Variants in EXPH5 observed in about 807,000 individuals in gnomAD.
EXPH5 encodes the protein exophilin-5.
A neutral mutation model predicts 41.1 loss-of-function variants in EXPH5; 42 were observed. That is an observed-to-expected ratio of 1.02 (90% CI 0.80 to 1.32). The LOEUF is 1.32. Ranked by LOEUF, EXPH5 falls within the 40% of genes most tolerant of loss-of-function variation. EXPH5 has a pLI of 0.00. For synonymous variants in EXPH5, 798 were observed against 833.5 expected (o/e 0.96, Z 0.73); for missense variants, 2,298 against 2,314.5 (o/e 0.99, Z 0.15).
chr11:108,563,332 C>A (rs938471138), intron 1 of EXPH5, among the ~76,000 whole-genome samples: 2 of 152,204 alleles, frequency 1.3e-5, no homozygotes, highest in Non-Finnish European at 2.9e-5. Flanking sequence ...TCTCAAGCAA[C>A]CACAGTATGA....
intron 1 of EXPH5, among the ~76,000 whole-genome samples, chr11:108,571,183 G>GT (rs755540219): frequency 6.6e-6 from 1 of 152,184 alleles, no homozygotes; most frequent in Non-Finnish European, 1.5e-5. Context: ...GAGGGAGTGT[G>GT]TTACTCATAA....
At chr11:108,526,261 A>G (rs1249572724) in intron 4 of EXPH5, among the ~76,000 whole-genome samples, 1 of 152,082 alleles carries the variant, frequency 6.6e-6, no homozygotes, top group African/African-American at 2.4e-5. Context: ...ATGGGGAGCA[A>G]CAGTCACTGG....
At chr11:108,519,256 A>C (rs951709718) in intron 4 of EXPH5, among the ~76,000 whole-genome samples, 8 of 152,130 alleles carry the variant, frequency 5.3e-5, no homozygotes, top group Non-Finnish European at 1.2e-4. Context: ...CCAAAGGCTA[A>C]CTTTGGGTAA....
At chr11:108,542,129 C>T (rs2093916301) in intron 1 of EXPH5, among the ~76,000 whole-genome samples, 1 of 152,176 alleles carries the variant, frequency 6.6e-6, no homozygotes. Context: ...ATCTGCATGC[C>T]TCAGCCTCCC....
intron 2 of EXPH5, among the ~76,000 whole-genome samples, 199 bp from the exon 3 acceptor site, chr11:108,539,385 G>C (rs925593368): frequency 5.3e-5 from 8 of 152,154 alleles, no homozygotes; most frequent in African/African-American, 1.9e-4. Context: ...CTGCTGCATA[G>C]AGAAAACTCA....
At chr11:108,582,478 A>G (rs1191232884) in intron 1 of EXPH5, among the ~76,000 whole-genome samples, 1 of 152,132 alleles carries the variant, frequency 6.6e-6, no homozygotes, top group Non-Finnish European at 1.5e-5. Flanking sequence ...AGAAAAAAAA[A>G]AAAGGATAGA....
the EXPH5 span, among the ~76,000 whole-genome samples, chr11:108,605,084 A>G: frequency 2.0e-5 from 3 of 152,248 alleles, no homozygotes; most frequent in Non-Finnish European, 2.9e-5. Flanking sequence ...CTTAGCCAAC[A>G]GAAAAAAAAT....
intron 1 of EXPH5, among the ~76,000 whole-genome samples, chr11:108,587,125 CTTTTA>C (rs72048453): frequency 0.42 from 62,954 of 151,634 alleles, 14,037 homozygotes; most frequent in Admixed American, 0.49. Context: ...CTTTTCTTTT[CTTTTA>C]TTATTACGAT....
At chr11:108,596,327 C>T (rs947209942), upstream of EXPH5, among the ~76,000 whole-genome samples, 2 of 151,820 alleles carry the variant, frequency 1.3e-5, no homozygotes, top group Admixed American at 1.3e-4. Context: ...CAACCAAAGG[C>T]AATGTAAGTG....
intron 1 of EXPH5, among the ~76,000 whole-genome samples, chr11:108,566,220 A>G (rs575406481): frequency 6.6e-6 from 1 of 152,346 alleles, no homozygotes; most frequent in South Asian, 2.1e-4. Flanking sequence ...GCCTTAAAAG[A>G]CAATCGGAAC....
intron 4 of EXPH5, among the ~76,000 whole-genome samples, chr11:108,518,579 T>A (rs1380287328): frequency 1.3e-5 from 2 of 152,200 alleles, no homozygotes; most frequent in Non-Finnish European, 2.9e-5. Context: ...CATTAATTAT[T>A]TCAGTGATAA....
At position 108,511,051 on chromosome 11, in the gene EXPH5, C is replaced by T. The variant is rs2093676863; in HGVS notation, c.4456G>A (p.Gly1486Arg). 6.2e-7 allele frequency: 1 copy of T among 1,614,034 alleles called. No homozygotes were observed. The highest frequency in any genetic ancestry group is 1.3e-5 in the African/African-American group (1 of 74,926). The part of the protein sequence containing the change: ...SSGSQPREGR[G>R]DIGTNCQKMT... ...TTTTGGCAGTTGGTTCCAATGTCCC[C>T]TCTGCCTTCCCTAGGCTGTGATCCA... Residue 1486 changes from glycine to arginine, a missense_variant, in exon 6 of 6, where the codon GGG becomes AGG. Coordinates refer to ENST00000265843, the MANE Select transcript of EXPH5 (RefSeq NM_015065.3).
chr11:108,564,787 C>T (rs1236644178), intron 1 of EXPH5, among the ~76,000 whole-genome samples: 1 of 150,644 alleles, frequency 6.6e-6, no homozygotes, highest in Non-Finnish European at 1.5e-5. Context: ...TATGTCTATT[C>T]TTTTTGATCT....
At position 108,509,460 on chromosome 11, in the gene EXPH5, C is replaced by G; in HGVS notation, c.*77G>C. 7.5e-7 allele frequency: 1 copy of G among 1,331,192 alleles called. No individual in the cohort carries two copies. Among genetic ancestry groups the G allele is most frequent in the African/African-American group, 1.5e-5 (1 of 68,340 alleles). The allele number at this position is 1,331,192 out of a possible 1,614,324, so 82.5% of individuals were successfully genotyped here. ...GCCCAGACTAGATCTTTTATCCTTC[C>G]ATGCACATGCACATGTACACCTTAG... On this transcript the variant is annotated 3_prime_UTR_variant, in exon 6 of 6. Coordinates refer to ENST00000265843, the MANE Select transcript of EXPH5 (RefSeq NM_015065.3).
intron 1 of EXPH5, among the ~76,000 whole-genome samples, chr11:108,566,375 G>C (rs919214390): frequency 3.9e-5 from 6 of 152,148 alleles, no homozygotes; most frequent in Admixed American, 6.5e-5. Flanking sequence ...GGGAATAAAT[G>C]GGTGAAGGCT....
chr11:108,562,175 C>G (rs182145009), intron 1 of EXPH5, among the ~76,000 whole-genome samples: 3 of 151,704 alleles, frequency 2.0e-5, no homozygotes, highest in Non-Finnish European at 1.5e-5. Flanking sequence ...GGAATTTGTT[C>G]ACAGAGGAAT....
intron 3 of EXPH5, among the ~76,000 whole-genome samples, chr11:108,533,538 T>G (rs546373731): frequency 1.3e-5 from 2 of 152,308 alleles, no homozygotes; most frequent in African/African-American, 4.8e-5. Context: ...GCCCCTTTTT[T>G]TGTTTTCCTT....
intron 1 of EXPH5, among the ~76,000 whole-genome samples, chr11:108,563,185 T>A (rs1480849119): frequency 6.6e-6 from 1 of 152,148 alleles, no homozygotes; most frequent in Non-Finnish European, 1.5e-5. Flanking sequence ...TTGTCCCTTG[T>A]GGTTTGGAGG....
chr11:108,510,120 C>T lies in EXPH5; in HGVS notation c.5387G>A (p.Ser1796Asn), dbSNP rs779121255. 6.2e-7 allele frequency: 1 copy of T among 1,613,728 alleles called. No individual in the cohort carries two copies. Among genetic ancestry groups the T allele is most frequent in the South Asian group, 1.1e-5 (1 of 91,012 alleles). Reference protein sequence around the residue: ...EPEPHLYRSKSLKSINVHGDL... With the variant: ...EPEPHLYRSKNLKSINVHGDL... ...GCCATGAACATTAATGCTTTTTAAA[C>T]TCTTTGAACGATAGAGGTGTGGCTC... is the stretch of plus-strand genomic sequence containing the variant. Residue 1796 changes from serine (S) to asparagine (N), a missense_variant, in exon 6 of 6, where the codon AGT (serine) becomes AAT (asparagine). Ser to Asn is a conservative substitution (Grantham distance 46). Coordinates refer to ENST00000265843, the MANE Select transcript of EXPH5 (RefSeq NM_015065.3).
Sources: allele counts gnomAD v4.1 joint callset (sites outside exome capture counted in the v4.1 genomes callset), GRCh38; gene constraint gnomAD v4.1.1; transcripts MANE v1.5; gene names NCBI Gene and HGNC (gene_info 2026-07-23, HGNC 2026-07-21).